Variants in PKP4 observed in about 807,000 individuals in gnomAD.
PKP4 encodes plakophilin-4.
A neutral mutation model predicts 145.1 loss-of-function variants in PKP4; 90 were observed. The ratio of observed to expected loss-of-function variants is 0.62; its 90% confidence interval spans 0.52 to 0.74. PKP4 has a LOEUF of 0.74. PKP4 is among the 30% of genes least tolerant of loss of function. The pLI, the probability that PKP4 is intolerant of heterozygous loss-of-function variation, is 0.00. For missense variants in PKP4, 1,340 were observed against 1,482.7 expected (o/e 0.90, Z 1.58); for synonymous variants, 563 against 577.2 (o/e 0.98, Z 0.35).
At chr2:158,564,895 T>C (rs2046846444) in intron 2 of PKP4, among the ~76,000 whole-genome samples, 3 of 152,222 alleles carry the variant, frequency 2.0e-5, no homozygotes, top group Non-Finnish European at 4.4e-5. Context: ...TCTTTAATTC[T>C]TATTAAATTG....
chr2:158,567,978 G>A (rs2047130035), intron 2 of PKP4, among the ~76,000 whole-genome samples: 1 of 152,162 alleles, frequency 6.6e-6, no homozygotes. Flanking sequence ...AGGGATGGTG[G>A]TTCCATTAGC....
At chr2:158,611,696 A>G (rs1023331645) in intron 4 of PKP4, among the ~76,000 whole-genome samples, 5 of 152,222 alleles carry the variant, frequency 3.3e-5, no homozygotes, top group Non-Finnish European at 7.3e-5. Context: ...GTTCATAAAC[A>G]AAATATTAGA....
intron 7 of PKP4, among the ~76,000 whole-genome samples, chr2:158,628,465 G>A (rs974964945): frequency 6.6e-6 from 1 of 152,036 alleles, no homozygotes; most frequent in Non-Finnish European, 1.5e-5. Flanking sequence ...ACACGAGCGG[G>A]TAAACAAAAA....
chr2:158,643,249 T>C (rs993770711), intron 11 of PKP4, among the ~76,000 whole-genome samples: 12 of 152,120 alleles, frequency 7.9e-5, no homozygotes, highest in Admixed American at 3.9e-4. Flanking sequence ...AGAGGTTGCA[T>C]TGGGCACAGA....
At chr2:158,477,370 C>T (rs983856792) in intron 1 of PKP4, among the ~76,000 whole-genome samples, 1 of 152,118 alleles carries the variant, frequency 6.6e-6, no homozygotes, top group Non-Finnish European at 1.5e-5. Context: ...CTTTGCTTCT[C>T]CTCTCCCCTA....
chr2:158,662,857 T>C, intron 13 of PKP4, 40 bp from the exon 14 acceptor site: 1 of 1,540,258 alleles, frequency 6.5e-7, no homozygotes, highest in South Asian at 1.2e-5. Flanking sequence ...TGCTCTAATG[T>C]GCCGAGTTGT....
At chr2:158,529,432 G>C (rs1160966280) in intron 1 of PKP4, among the ~76,000 whole-genome samples, 1 of 152,186 alleles carries the variant, frequency 6.6e-6, no homozygotes, top group African/African-American at 2.4e-5. Context: ...AACAGGAGCT[G>C]TGTCATTCAC....
At chr2:158,629,008 T>G (rs1271449907) in intron 7 of PKP4, among the ~76,000 whole-genome samples, 1 of 152,166 alleles carries the variant, frequency 6.6e-6, no homozygotes, top group Non-Finnish European at 1.5e-5. Context: ...CCTGTCTGCT[T>G]TATGTCACTG....
At position 158,631,191 on chromosome 2, in the gene PKP4, C is replaced by T. The variant is rs367873352; in HGVS notation, c.1154-562C>T. Among the ~76,000 whole-genome samples the T allele has an allele frequency of 1.9e-4, 29 of 152,208 alleles. No homozygotes were observed. The East Asian group carries it at 4.8e-3, about 25-fold the overall frequency. ...TCCTGACCTCGTGATCCACCCTCCT[C>T]GGCTTCCCAAAGTGCTGGGATTACA... On this transcript the variant is annotated intron_variant, in intron 7 of 21. Coordinates refer to ENST00000389759, the MANE Select transcript of PKP4 (RefSeq NM_003628.6).
intron 1 of PKP4, among the ~76,000 whole-genome samples, chr2:158,466,569 G>C (rs1004357004): frequency 3.3e-5 from 5 of 151,960 alleles, no homozygotes; most frequent in African/African-American, 4.8e-5. Flanking sequence ...GCCAGGCGTG[G>C]TGGCGGGCGC....
At chr2:158,518,115 C>A (rs935448023) in intron 1 of PKP4, among the ~76,000 whole-genome samples, 1 of 152,164 alleles carries the variant, frequency 6.6e-6, no homozygotes. Flanking sequence ...CAAGGAGGTT[C>A]TTCTGGTCTG....
intron 1 of PKP4, among the ~76,000 whole-genome samples, chr2:158,468,706 TA>T (rs1691047539): frequency 6.6e-6 from 1 of 151,624 alleles, no homozygotes; most frequent in African/African-American, 2.4e-5. Flanking sequence ...CCTGATACTT[TA>T]AAAGGTGAGG....
At chr2:158,518,709 G>A (rs147077837) in intron 1 of PKP4, among the ~76,000 whole-genome samples, 3 of 152,242 alleles carry the variant, frequency 2.0e-5, no homozygotes, top group African/African-American at 7.2e-5. Context: ...GGTGATTTTG[G>A]TTACAGAACT....
At position 158,634,257 on chromosome 2, in the gene PKP4, C is replaced by G. The variant is rs2053630326; in HGVS notation, c.1530C>G (p.Ser510=). The change falls in exon 9 of 22, where the codon TCC becomes TCG. Residue 510 remains serine, a synonymous_variant. Coordinates refer to ENST00000389759, the MANE Select transcript of PKP4 (RefSeq NM_003628.6). ...AVPADDGTTR[S]PSIDSIQKDP... ...CGGCTGATGATGGCACCACAAGATC[C>G]CCATCAATAGACAGCATTCAGAAGG... 2 of 1,614,026 alleles carry G rather than the reference C, an allele frequency of 1.2e-6. No homozygotes were observed. Among genetic ancestry groups the G allele is most frequent in the African/African-American group, 2.7e-5 (2 of 75,008 alleles).
chr2:158,493,625 T>C (rs1003037234), intron 1 of PKP4, among the ~76,000 whole-genome samples: 2 of 152,222 alleles, frequency 1.3e-5, no homozygotes, highest in African/African-American at 4.8e-5. Flanking sequence ...CTGAAGTCGG[T>C]GACACAGTGA....
At chr2:158,573,912 C>G (rs1196092969) in intron 2 of PKP4, among the ~76,000 whole-genome samples, 4 of 152,240 alleles carry the variant, frequency 2.6e-5, no homozygotes, top group Non-Finnish European at 5.9e-5. Flanking sequence ...GGCAAGGGGA[C>G]TGTCTGCAGC....
intron 1 of PKP4, among the ~76,000 whole-genome samples, chr2:158,532,281 G>A (rs1395551267): frequency 6.6e-6 from 1 of 152,160 alleles, no homozygotes. Context: ...TAAACAGATA[G>A]GGTCTCTCGG....
chr2:158,658,874 C>T (rs890691743), intron 12 of PKP4: 1 of 152,544 alleles, frequency 6.6e-6, no homozygotes, highest in African/African-American at 2.4e-5. Flanking sequence ...CCCTATTTCC[C>T]AGCCTTACAG....
At chr2:158,639,747 C>T (rs1169498645) in intron 9 of PKP4, among the ~76,000 whole-genome samples, 2 of 152,090 alleles carry the variant, frequency 1.3e-5, no homozygotes, top group Non-Finnish European at 2.9e-5. Flanking sequence ...ATATACATAG[C>T]ATGATTATGT....
Sources: allele counts gnomAD v4.1 joint callset (sites outside exome capture counted in the v4.1 genomes callset), GRCh38; gene constraint gnomAD v4.1.1; transcripts MANE v1.5; gene names NCBI Gene and HGNC (gene_info 2026-07-23, HGNC 2026-07-21).